The following SOS1 variants were observed in gnomAD, a reference collection of about 807,000 sequenced individuals.
SOS1 encodes SOS Ras/Rac guanine nucleotide exchange factor 1, also known as son of sevenless homolog 1.
In SOS1, 25 loss-of-function variants were observed where a neutral mutation model predicts 157.6. The ratio of observed to expected loss-of-function variants is 0.16; its 90% CI spans 0.12 to 0.22. SOS1 has a LOEUF of 0.22. Among genes scored for constraint, SOS1 ranks in the 10% least tolerant of loss-of-function variants. The pLI is 1.00. For missense variants in SOS1, 1,237 were observed against 1,599.1 expected, an observed-to-expected ratio of 0.77 and a Z score of 3.86; for synonymous variants, 528 against 534.0, an observed-to-expected ratio of 0.99 and a Z score of 0.16.
At chr2:39,076,435 G>C (rs75844869) in intron 1 of SOS1, among the ~76,000 whole-genome samples, 1 of 151,984 alleles carries the variant, frequency 6.6e-6, no homozygotes, top group African/African-American at 2.4e-5. Flanking sequence ...CCAAATTTAG[G>C]AATGTTTAGA....
intron 6 of SOS1, among the ~76,000 whole-genome samples, chr2:39,046,286 G>A (rs1004713146): frequency 2.6e-5 from 4 of 151,706 alleles, no homozygotes; most frequent in Non-Finnish European, 5.9e-5. Context: ...AAATAAATAC[G>A]GTTATCTATA....
At chr2:39,050,357 C>T (rs563883205) in intron 6 of SOS1, among the ~76,000 whole-genome samples, 3 of 152,162 alleles carry the variant, frequency 2.0e-5, no homozygotes, top group South Asian at 2.1e-4. Flanking sequence ...AGGTCCTGGA[C>T]CTTATTGTCC....
intron 20 of SOS1, among the ~76,000 whole-genome samples, chr2:38,990,529 A>C (rs1487611454): frequency 6.6e-6 from 1 of 152,106 alleles, no homozygotes; most frequent in African/African-American, 2.4e-5. Context: ...CGTAATAGAG[A>C]TTAAAGGAGT....
chr2:39,058,577 G>T (rs1331228745), intron 3 of SOS1, 96 bp downstream of exon 3: 1 of 1,328,022 alleles, frequency 7.5e-7, no homozygotes, highest in Non-Finnish European at 1.1e-6. Flanking sequence ...TTACTCTTAA[G>T]TTGACTCAAT....
Position 38,982,710 on chromosome 2 carries a change from C to T in SOS1, c.*3114G>A, listed in dbSNP as rs982890782. 2.6e-5 allele frequency: 4 copies of T among 152,066 alleles called. No homozygotes were observed. Among genetic ancestry groups the T allele is most frequent in the African/African-American group, 9.7e-5 (4 of 41,422 alleles). 9.4% of individuals were successfully genotyped at this position (152,066 alleles called of 1,614,324 possible). Reference sequence around the variant, plus strand: ...CTATTTTGCTGAGTCACTTAAAAATCTGAATTTAAGCTGTCATATTAGAAG... The same window carrying T: ...CTATTTTGCTGAGTCACTTAAAAATTTGAATTTAAGCTGTCATATTAGAAG... On this transcript the variant is annotated 3_prime_UTR_variant, in exon 23 of 23. Coordinates refer to ENST00000402219, the MANE Select transcript of SOS1 (RefSeq NM_005633.4).
intron 1 of SOS1, among the ~76,000 whole-genome samples, chr2:39,073,118 C>T (rs297131): frequency 0.79 from 119,514 of 152,188 alleles, 49,643 homozygotes; most frequent in Non-Finnish European, 0.92. Context: ...ATAAATGGTA[C>T]TCAGAGACAT....
chr2:39,120,381 C>A lies in SOS1; in HGVS notation c.42G>T (p.Glu14Asp). The A allele has an allele frequency of 6.2e-7, 1 of 1,602,526 alleles. No individual in the cohort carries two copies. Among genetic ancestry groups the A allele is most frequent in the Non-Finnish European group, 8.5e-7 (1 of 1,175,624 alleles). Reference sequence around the variant, plus strand: ...GTAGTCCCCGCCACTTGGGCGCGTTCTCTTCGCTGAAAAACTCGTAGGGCA... The same window carrying A: ...GTAGTCCCCGCCACTTGGGCGCGTTATCTTCGCTGAAAAACTCGTAGGGCA... Reference protein sequence around the residue: ...QQLPYEFFSEENAPKWRGLLV... With the variant: ...QQLPYEFFSEDNAPKWRGLLV... Residue 14 changes from glutamate (E) to aspartate (D), a missense_variant, in exon 1 of 23, where the codon GAG becomes GAT. Transcript: ENST00000402219.
At chr2:39,035,014 A>G (rs1670295041) in intron 8 of SOS1, among the ~76,000 whole-genome samples, 198 bp downstream of exon 8, 1 of 152,198 alleles carries the variant, frequency 6.6e-6, no homozygotes, top group Admixed American at 6.5e-5. Flanking sequence ...TTAAAAAACA[A>G]CAAAAATAAA....
intron 1 of SOS1, among the ~76,000 whole-genome samples, chr2:39,079,282 C>A (rs1347896228): frequency 6.6e-6 from 1 of 151,760 alleles, no homozygotes; most frequent in African/African-American, 2.4e-5. Context: ...AGTTACAGAA[C>A]AATAGAAACA....
intron 10 of SOS1, among the ~76,000 whole-genome samples, chr2:39,019,326 T>C (rs1416969008): frequency 1.3e-5 from 2 of 151,814 alleles, no homozygotes; most frequent in African/African-American, 2.4e-5. Context: ...TCGTGTTGTT[T>C]TAGGTCTCAT....
upstream of SOS1, among the ~76,000 whole-genome samples, chr2:39,122,084 C>T (rs1673909939): frequency 6.6e-6 from 1 of 152,188 alleles, no homozygotes; most frequent in Admixed American, 6.5e-5. Context: ...TTAATCTTTA[C>T]AGGACCTCTT....
chr2:39,115,913 A>G (rs747012568), intron 1 of SOS1, among the ~76,000 whole-genome samples: 37 of 152,020 alleles, frequency 2.4e-4, no homozygotes, highest in Non-Finnish European at 4.3e-4. Flanking sequence ...CTTTACTTAC[A>G]CATCTAGAAG....
intron 3 of SOS1, among the ~76,000 whole-genome samples, chr2:39,057,142 G>A (rs935708867): frequency 2.6e-5 from 4 of 152,150 alleles, no homozygotes; most frequent in Non-Finnish European, 5.9e-5. Context: ...ATAAAGGAAG[G>A]CCCAAGTTTG....
intron 2 of SOS1, among the ~76,000 whole-genome samples, chr2:39,067,053 G>T (rs578253055): frequency 6.6e-6 from 1 of 151,704 alleles, no homozygotes; most frequent in South Asian, 2.1e-4. Context: ...TTTTTTTTTG[G>T]AGTCATGGTT....
At chr2:39,123,186 C>T (rs1212368116), upstream of SOS1, among the ~76,000 whole-genome samples, 1 of 152,146 alleles carries the variant, frequency 6.6e-6, no homozygotes, top group Non-Finnish European at 1.5e-5. Flanking sequence ...ATCACCACCT[C>T]CAAGAGGCCT....
intron 6 of SOS1, among the ~76,000 whole-genome samples, chr2:39,043,311 GATAT>G (rs1461826245): frequency 2.6e-5 from 4 of 152,184 alleles, no homozygotes; most frequent in African/African-American, 9.6e-5. Flanking sequence ...AACATCATAA[GATAT>G]ATAGACATAT....
intron 6 of SOS1, among the ~76,000 whole-genome samples, chr2:39,043,325 T>C (rs1670639326): frequency 1.3e-5 from 2 of 152,242 alleles, no homozygotes; most frequent in South Asian, 4.1e-4. Context: ...TATAGACATA[T>C]GTTTTATTGT....
intron 12 of SOS1, 91 bp from the exon 13 acceptor site, chr2:39,013,654 C>G (rs747530020): frequency 3.0e-6 from 3 of 994,378 alleles, no homozygotes; most frequent in Non-Finnish European, 4.9e-6. Flanking sequence ...AATGCAGTAA[C>G]TCTTACCAAA....
rs946814065 is a variant in SOS1, at chr2:38,981,664, A to G, written c.*4160T>C. ...GCAAACCAAATACTGCTGCACACAG[A>G]GTACAAAGATTACCTATGAACATGG... On this transcript the variant is annotated 3_prime_UTR_variant, in exon 23 of 23. Coordinates refer to ENST00000402219, the MANE Select transcript of SOS1 (RefSeq NM_005633.4). The G allele has an allele frequency of 2.0e-5, 3 of 152,184 alleles. No homozygotes were observed. Among genetic ancestry groups the G allele is most frequent in the African/African-American group, 7.2e-5 (3 of 41,464 alleles). 9.4% of individuals were successfully genotyped at this position (152,184 alleles called of 1,614,324 possible).
Sources: allele counts gnomAD v4.1 joint callset (sites outside exome capture counted in the v4.1 genomes callset), GRCh38; gene constraint gnomAD v4.1.1; transcripts MANE v1.5; gene names NCBI Gene and HGNC (gene_info 2026-07-23, HGNC 2026-07-21).